Variants in MPP7 observed in about 807,000 individuals in gnomAD.
MPP7 encodes MAGUK p55 scaffold protein 7.
A neutral mutation model predicts 76.5 loss-of-function variants in MPP7; 60 were observed. The observed-to-expected ratio is 0.78, with a 90% confidence interval of 0.64 to 0.97. The LOEUF (loss-of-function observed/expected upper bound fraction) is 0.97. Among genes scored for constraint, MPP7 ranks in the 50% least tolerant of loss-of-function variants. The pLI, the probability that MPP7 is intolerant of heterozygous loss-of-function variation, is 0.00. For missense variants in MPP7, 641 were observed against 694.0 expected (o/e 0.92, Z 0.86); for synonymous variants, 237 against 244.5 (o/e 0.97, Z 0.29).
At chr10:28,149,091 GT>G (rs886304701) in intron 4 of MPP7, among the ~76,000 whole-genome samples, 4 of 152,068 alleles carry the variant, frequency 2.6e-5, no homozygotes, top group Non-Finnish European at 5.9e-5. Context: ...TTACATATGT[GT>G]TTTTTCTAAA....
chr10:28,108,871 A>G (rs1025611153), intron 11 of MPP7, among the ~76,000 whole-genome samples: 2 of 152,090 alleles, frequency 1.3e-5, no homozygotes, highest in African/African-American at 4.8e-5. Context: ...GCATCTCCAA[A>G]CTAGAATTTT....
At chr10:28,141,173 T>C (rs377521106) in intron 5 of MPP7, among the ~76,000 whole-genome samples, 7 of 152,036 alleles carry the variant, frequency 4.6e-5, no homozygotes, top group Non-Finnish European at 7.4e-5. Context: ...ATAAAGTCAC[T>C]TGACAAAATT....
intron 13 of MPP7, among the ~76,000 whole-genome samples, chr10:28,064,133 T>C (rs1015040845): frequency 3.9e-5 from 6 of 152,308 alleles, no homozygotes; most frequent in Admixed American, 1.3e-4. Context: ...ACAAAAACCT[T>C]GTAATAACTT....
chr10:28,257,790 C>T (rs539797089), intron 1 of MPP7, among the ~76,000 whole-genome samples: 1 of 150,318 alleles, frequency 6.7e-6, no homozygotes, highest in East Asian at 2.0e-4. Flanking sequence ...ATGAACGTAA[C>T]TCTTTTTTAT....
chr10:28,088,225 T>G (rs1853112918), intron 12 of MPP7, among the ~76,000 whole-genome samples: 1 of 152,060 alleles, frequency 6.6e-6, no homozygotes, highest in African/African-American at 2.4e-5. Context: ...CTCATTTCCA[T>G]AAGTATCATC....
chr10:28,328,943 A>G (rs1013002823), intron 2 of MPP7, among the ~76,000 whole-genome samples: 37 of 152,160 alleles, frequency 2.4e-4, no homozygotes, highest in African/African-American at 8.4e-4. Flanking sequence ...CTGTTTTACC[A>G]TTGTTGTATA....
At chr10:28,327,088 GA>G (rs1426253800) in intron 2 of MPP7, among the ~76,000 whole-genome samples, 1 of 152,040 alleles carries the variant, frequency 6.6e-6, no homozygotes, top group Non-Finnish European at 1.5e-5. Context: ...CAGCTGCACT[GA>G]AAAACACCAA....
chr10:28,115,500 C>T (rs1442659081), intron 11 of MPP7, among the ~76,000 whole-genome samples: 1 of 152,154 alleles, frequency 6.6e-6, no homozygotes, highest in Non-Finnish European at 1.5e-5. Flanking sequence ...ATACAAACTT[C>T]ATGTAACAAC....
chr10:28,103,705 T>C (rs1406420132), intron 11 of MPP7, among the ~76,000 whole-genome samples: 4 of 151,980 alleles, frequency 2.6e-5, no homozygotes, highest in African/African-American at 9.7e-5. Context: ...GAAACTCCAG[T>C]GCCCAGAACA....
At chr10:28,148,483 A>C (rs906968156) in intron 4 of MPP7, among the ~76,000 whole-genome samples, 2 of 152,222 alleles carry the variant, frequency 1.3e-5, no homozygotes, top group South Asian at 4.1e-4. Flanking sequence ...TACTTTTTCT[A>C]ACAAGCTAAA....
chr10:28,262,233 A>ATATATATACATATAT (rs1839998598), intron 1 of MPP7, among the ~76,000 whole-genome samples: 3 of 76,474 alleles, frequency 3.9e-5, no homozygotes, highest in African/African-American at 7.0e-5. Context: ...ATACATATAT[A>ATATATATACATATAT]TATATATATA....
At chr10:28,149,883 A>T in intron 4 of MPP7, 99 bp downstream of exon 4, 1 of 729,184 alleles carries the variant, frequency 1.4e-6, no homozygotes, top group Non-Finnish European at 2.2e-6. Context: ...TCTGCTTTTC[A>T]CTCATAGGAT....
intron 2 of MPP7, among the ~76,000 whole-genome samples, chr10:28,225,254 C>T (rs1161766910): frequency 6.6e-6 from 1 of 152,070 alleles, no homozygotes; most frequent in African/African-American, 2.4e-5. Flanking sequence ...TTTTCATGAC[C>T]TTGTATTTGA....
At chr10:28,264,374 T>A (rs1043179362) in intron 1 of MPP7, among the ~76,000 whole-genome samples, 1 of 151,904 alleles carries the variant, frequency 6.6e-6, no homozygotes, top group African/African-American at 2.4e-5. Context: ...CAGGAATGAC[T>A]GGCAAAAAAA....
intron 2 of MPP7, among the ~76,000 whole-genome samples, chr10:28,219,477 A>G (rs1407097301): frequency 6.6e-6 from 1 of 152,176 alleles, no homozygotes; most frequent in Non-Finnish European, 1.5e-5. Context: ...GAGAAATTTA[A>G]TATCACCATT....
intron 13 of MPP7, among the ~76,000 whole-genome samples, chr10:28,066,695 C>G (rs1164587893): frequency 6.6e-6 from 1 of 152,160 alleles, no homozygotes; most frequent in African/African-American, 2.4e-5. Flanking sequence ...TGTTCTAACC[C>G]AAATCCTTGA....
intron 1 of MPP7, among the ~76,000 whole-genome samples, chr10:28,244,811 G>C (rs1428294986): frequency 6.6e-6 from 1 of 152,100 alleles, no homozygotes; most frequent in Non-Finnish European, 1.5e-5. Flanking sequence ...GACCCTTAGG[G>C]ACTCATCTAG....
chr10:28,066,935 C>T (rs772340599), intron 13 of MPP7, among the ~76,000 whole-genome samples: 4 of 152,168 alleles, frequency 2.6e-5, no homozygotes, highest in Admixed American at 1.3e-4. Context: ...CTCCATTTTA[C>T]TTATTCATTC....
intron 11 of MPP7, 54 bp from the exon 12 acceptor site, chr10:28,089,895 CT>C: frequency 2.1e-6 from 2 of 932,968 alleles, no homozygotes; most frequent in South Asian, 3.8e-5. Context: ...AAAAGAAACC[CT>C]CAAAAAAAAA....
Sources: allele counts gnomAD v4.1 joint callset (sites outside exome capture counted in the v4.1 genomes callset), GRCh38; gene constraint gnomAD v4.1.1; transcripts MANE v1.5; gene names NCBI Gene and HGNC (gene_info 2026-07-23, HGNC 2026-07-21).